The following CADM1 variants were observed in gnomAD, a reference collection of about 807,000 sequenced individuals.
CADM1 encodes the protein cell adhesion molecule 1.
Under a neutral mutation model 53.1 loss-of-function variants are expected in CADM1, and 15 were observed. The ratio of observed to expected loss-of-function variants is 0.28; its 90% CI spans 0.19 to 0.44. CADM1 has a LOEUF of 0.44. Among genes scored for constraint, CADM1 ranks in the 20% least tolerant of loss-of-function variants. The pLI is 1.00. For synonymous variants in CADM1, 281 were observed against 243.0 expected, an observed-to-expected ratio of 1.16 and a Z score of -1.45; for missense variants, 434 against 611.3, an observed-to-expected ratio of 0.71 and a Z score of 3.06.
intron 8 of CADM1, among the ~76,000 whole-genome samples, chr11:115,200,845 G>A (rs966027712): frequency 5.9e-5 from 9 of 152,156 alleles, no homozygotes; most frequent in African/African-American, 2.2e-4. Flanking sequence ...TAGAAGGGCG[G>A]GGGGTGGAGT....
At chr11:115,413,356 T>A (rs1042262038) in intron 1 of CADM1, among the ~76,000 whole-genome samples, 7 of 152,210 alleles carry the variant, frequency 4.6e-5, no homozygotes, top group African/African-American at 1.7e-4. Flanking sequence ...TCTTCACATT[T>A]CCTTCTTCTG....
Position 115,284,134 on chromosome 11 carries a change from G to C in CADM1, c.125-43714C>G, listed in dbSNP as rs1227758418. 1.2e-3 allele frequency among the ~76,000 whole-genome samples: 106 copies of C among 90,442 alleles called. 2 individuals are homozygous for C. The East Asian group carries it at 0.027, about 23-fold the overall frequency. 59.3% of individuals were successfully genotyped at this position (90,442 alleles called of 152,430 possible). A position where few individuals can be genotyped will look rare whatever the true frequency, so the allele number is the denominator to read the frequency against. ...TCTCTCTGTGTGTGTGTGTGTGTGT[G>C]TGTGTGTGTGTGTGTGTGTGTATGG... is the stretch of plus-strand genomic sequence containing the variant. On this transcript the variant is annotated intron_variant, in intron 1 of 11. Transcript: ENST00000331581.
chr11:115,448,869 G>T (rs937038427), intron 1 of CADM1, among the ~76,000 whole-genome samples: 11 of 152,200 alleles, frequency 7.2e-5, no homozygotes, highest in South Asian at 2.1e-4. Context: ...AAATATAGAA[G>T]ATCTCAAATG....
intron 6 of CADM1, 105 bp from the exon 7 acceptor site, chr11:115,214,885 T>C (rs940777929): frequency 2.6e-6 from 3 of 1,134,704 alleles, no homozygotes; most frequent in Non-Finnish European, 4.0e-6. Flanking sequence ...CTACTGGAGA[T>C]ATTTTAAGTT....
intron 1 of CADM1, among the ~76,000 whole-genome samples, chr11:115,271,193 A>C (rs1943286241): frequency 6.6e-6 from 1 of 152,078 alleles, no homozygotes; most frequent in South Asian, 2.1e-4. Flanking sequence ...CCCTCTCAGG[A>C]AGTAAAGGGT....
chr11:115,189,715 G>A (rs540219826), intron 10 of CADM1, among the ~76,000 whole-genome samples: 1 of 152,260 alleles, frequency 6.6e-6, no homozygotes, highest in African/African-American at 2.4e-5. Context: ...TTGGGATTTG[G>A]AAATTCATTC....
intron 1 of CADM1, among the ~76,000 whole-genome samples, chr11:115,317,969 A>G (rs934560834): frequency 1.4e-5 from 2 of 139,620 alleles, no homozygotes; most frequent in Non-Finnish European, 3.1e-5. Flanking sequence ...TACATTATAC[A>G]TCCTATTACA....
At chr11:115,226,150 A>G (rs1040314582) in intron 5 of CADM1, among the ~76,000 whole-genome samples, 1 of 152,162 alleles carries the variant, frequency 6.6e-6, no homozygotes, top group African/African-American at 2.4e-5. Flanking sequence ...TATTAGTTGT[A>G]CATTTATTTT....
chr11:115,495,910 C>T (rs915875148), intron 1 of CADM1, among the ~76,000 whole-genome samples: 4 of 152,180 alleles, frequency 2.6e-5, no homozygotes, highest in African/African-American at 9.7e-5. Flanking sequence ...GAGCCAATCT[C>T]ATTCACCCCA....
At chr11:115,428,189 G>A (rs141962025) in intron 1 of CADM1, among the ~76,000 whole-genome samples, 134 of 152,022 alleles carry the variant, frequency 8.8e-4, no homozygotes, top group African/African-American at 2.8e-3. Context: ...ATGAAAAAAC[G>A]TATCATTAGA....
chr11:115,455,403 T>A (rs1948662062), intron 1 of CADM1, among the ~76,000 whole-genome samples: 3 of 150,788 alleles, frequency 2.0e-5, no homozygotes, highest in Non-Finnish European at 3.0e-5. Flanking sequence ...AAAAAAAAAA[T>A]CATATATATA....
chr11:115,426,000 G>A (rs559429088), intron 1 of CADM1, among the ~76,000 whole-genome samples: 1 of 152,304 alleles, frequency 6.6e-6, no homozygotes, highest in South Asian at 2.1e-4. Context: ...CTTTCTGCTG[G>A]AGGAAGGGAA....
chr11:115,493,537 A>G (rs1949545674), intron 1 of CADM1, among the ~76,000 whole-genome samples: 1 of 152,192 alleles, frequency 6.6e-6, no homozygotes, highest in African/African-American at 2.4e-5. Context: ...AGATATGTAT[A>G]CACAAGGTTA....
intron 1 of CADM1, among the ~76,000 whole-genome samples, chr11:115,322,568 T>C (rs902302005): frequency 1.3e-5 from 2 of 152,178 alleles, no homozygotes; most frequent in Admixed American, 6.6e-5. Context: ...TCACTTCTGG[T>C]TCGCCTCTTA....
chr11:115,388,462 C>A (rs560149928), intron 1 of CADM1, among the ~76,000 whole-genome samples: 6 of 152,022 alleles, frequency 3.9e-5, no homozygotes, highest in African/African-American at 1.4e-4. Flanking sequence ...TGCCTTCCCA[C>A]GGATTGCTTA....
intron 1 of CADM1, among the ~76,000 whole-genome samples, chr11:115,258,216 C>T (rs1942856862): frequency 2.0e-5 from 3 of 152,172 alleles, no homozygotes; most frequent in African/African-American, 4.8e-5. Flanking sequence ...GAATGTTAAT[C>T]CATGTCCCTT....
chr11:115,504,270 C>CCTGT lies in CADM1; in HGVS notation c.121_124dup (p.Gly42AspfsTer3). The CCTGT allele has an allele frequency of 6.4e-7, 1 of 1,573,232 alleles. No individual in the cohort carries two copies. Among genetic ancestry groups the CCTGT allele is most frequent in the Non-Finnish European group, 8.6e-7 (1 of 1,159,964 alleles). ...GCCAACCGGTCGGTGCCCACACCTACCTGTGGGGATCAGTGCCGCGGCGGA... is the reference window on the plus strand; with the variant it reads ...GCCAACCGGTCGGTGCCCACACCTACCTGTCTGTGGGGATCAGTGCCGCGGCGGA... On this transcript the variant is annotated frameshift_variant and splice_region_variant. Coordinates refer to ENST00000331581, the MANE Select transcript of CADM1 (RefSeq NM_001301043.2). LOFTEE classifies it high-confidence loss of function.
At chr11:115,338,880 T>C (rs1460159409) in intron 1 of CADM1, among the ~76,000 whole-genome samples, 2 of 136,590 alleles carry the variant, frequency 1.5e-5, no homozygotes, top group African/African-American at 5.3e-5. Context: ...TTTTTTTATT[T>C]TTTTTTTTTT....
chr11:115,352,127 A>T (rs553853895), intron 1 of CADM1, among the ~76,000 whole-genome samples: 167 of 152,336 alleles, frequency 1.1e-3, no homozygotes, highest in African/African-American at 3.7e-3. Flanking sequence ...CAATAAAATC[A>T]AATTAAAAGC....
Sources: gnomAD v4.1 joint callset for allele counts (sites outside exome capture counted in the v4.1 genomes callset) on GRCh38, gnomAD v4.1.1 for gene constraint, MANE v1.5 for transcripts, NCBI Gene and HGNC (gene_info 2026-07-23, HGNC 2026-07-21) for gene names.